Variants in DMD observed in about 807,000 individuals in gnomAD.
The protein encoded by DMD is mutant dystrophin.
In DMD, 63 loss-of-function variants were observed where a neutral mutation model predicts 330.1. The ratio of observed to expected loss-of-function variants is 0.19; its 90% confidence interval spans 0.16 to 0.24. DMD has a LOEUF of 0.24. Ranked by LOEUF, DMD falls within the 10% of genes least tolerant of loss-of-function variation. The pLI, the probability that DMD is intolerant of heterozygous loss-of-function variation, is 1.00. For missense variants in DMD, 3,344 were observed against 2,684.1 expected (o/e 1.25, Z -5.43); for synonymous variants, 1,223 against 959.8 (o/e 1.27, Z -5.07).
chrX:33,076,028 TA>T (rs2094835277), intron 1 of DMD, among the ~76,000 whole-genome samples: 1 of 111,612 alleles, frequency 9.0e-6, no homozygotes, highest in Admixed American at 9.6e-5. Flanking sequence ...GTCACCATTG[TA>T]AAGCCTAAGA....
chrX:31,814,502 A>G (rs1416487613), intron 50 of DMD, among the ~76,000 whole-genome samples: 2 of 105,450 alleles, frequency 1.9e-5, no homozygotes, highest in Non-Finnish European at 2.0e-5. Flanking sequence ...AAAAAAAAAA[A>G]AAAAAAAAAA....
chrX:32,818,501 C>T (rs1345371162), intron 5 of DMD, among the ~76,000 whole-genome samples: 1 of 111,830 alleles, frequency 8.9e-6, no homozygotes, highest in African/African-American at 3.3e-5. Flanking sequence ...AAAACTGTCC[C>T]GTCCTCAGGT....
intron 13 of DMD, among the ~76,000 whole-genome samples, chrX:32,585,052 T>G (rs1241147307): frequency 1.8e-5 from 2 of 111,408 alleles, no homozygotes; most frequent in East Asian, 2.8e-4. Flanking sequence ...ACAACATAAA[T>G]GGAACTGGAG....
intron 7 of DMD, among the ~76,000 whole-genome samples, chrX:32,794,875 A>G (rs754663619): frequency 1.8e-5 from 2 of 112,185 alleles, no homozygotes; most frequent in African/African-American, 6.5e-5. Context: ...TATACCAATA[A>G]TGAACTGGCT....
At chrX:32,949,371 TAGATAGATAGATAGATAGATAGAC>T (rs1359448872) in intron 2 of DMD, among the ~76,000 whole-genome samples, 1 of 105,830 alleles carries the variant, frequency 9.4e-6, no homozygotes, top group Non-Finnish European at 1.9e-5. Flanking sequence ...GATAGATAGA[TAGATAGATAGATAGATAGATAGAC>T]AGACAGACAG....
rs746191558 is a variant in DMD at position 31,405,566 on chromosome X, G to A, written c.9084+38915C>T. ...CCATCTATAATTGACAAAAAAAAGC[G>A]AGCATAAGTTGACTCAAATTAATAA... is the stretch of plus-strand genomic sequence containing the variant. On this transcript the variant is annotated intron_variant, in intron 60 of 78. Coordinates refer to ENST00000357033, the MANE Select transcript of DMD (RefSeq NM_004006.3). Among the ~76,000 whole-genome samples the A allele has an allele frequency of 6.3e-5, 7 of 111,038 alleles. No homozygotes were observed. In the South Asian group the frequency reaches 2.3e-3, roughly 36 times the overall value.
chrX:33,136,241 T>A (rs1347399188), intron 1 of DMD, among the ~76,000 whole-genome samples: 2 of 76,364 alleles, frequency 2.6e-5, no homozygotes, highest in African/African-American at 1.1e-4. Flanking sequence ...ATTAAGCCAA[T>A]GCACTTCAGC....
intron 60 of DMD, among the ~76,000 whole-genome samples, chrX:31,387,631 C>T (rs2060505896): frequency 8.9e-6 from 1 of 111,787 alleles, no homozygotes. Context: ...AACTCCTGAC[C>T]TCAGGTGATC....
At chrX:33,253,208 C>T (rs2052800425) in intron 1 of DMD, among the ~76,000 whole-genome samples, 1 of 104,576 alleles carries the variant, frequency 9.6e-6, no homozygotes, top group Non-Finnish European at 1.9e-5. Flanking sequence ...GATCCACCTC[C>T]TATTGAGAAA....
intron 59 of DMD, among the ~76,000 whole-genome samples, chrX:31,450,135 G>A (rs754034561): frequency 8.7e-4 from 97 of 111,233 alleles, no homozygotes; most frequent in Non-Finnish European, 1.2e-3. Flanking sequence ...GGAGGTGCTA[G>A]GAAAGAAAAG....
chrX:32,749,860 A>AG (rs1569507850), intron 7 of DMD, among the ~76,000 whole-genome samples: 1 of 112,050 alleles, frequency 8.9e-6, no homozygotes, highest in African/African-American at 3.3e-5. Flanking sequence ...TATGTGGCTA[A>AG]CACCACACAT....
At chrX:32,790,660 C>T (rs767134063) in intron 7 of DMD, among the ~76,000 whole-genome samples, 13 of 111,748 alleles carry the variant, frequency 1.2e-4, no homozygotes, top group Non-Finnish European at 2.1e-4. Context: ...GCAGCAAACC[C>T]TCCCCTGCCC....
chrX:32,886,065 G>C (rs914932175), intron 2 of DMD, among the ~76,000 whole-genome samples: 13 of 111,165 alleles, frequency 1.2e-4, no homozygotes, highest in African/African-American at 4.3e-4. Flanking sequence ...GTAGATAAAA[G>C]TGTATCATAT....
intron 9 of DMD, among the ~76,000 whole-genome samples, chrX:32,670,330 T>C (rs1436415764): frequency 8.9e-6 from 1 of 111,911 alleles, no homozygotes; most frequent in Admixed American, 9.6e-5. Context: ...CATATGACAC[T>C]ATTATGTATA....
Position 32,342,291 on chromosome X carries a change from C to T in DMD, c.5740-9G>A, listed in dbSNP as rs2097747738. ...AATTCCCGATCAATTTCCTATTGAG[C>T]AAAACCAATACAGGGCCCAGGGCAG... On this transcript the variant is annotated splice_polypyrimidine_tract_variant and intron_variant, in intron 40 of 78. Coordinates refer to ENST00000357033, the MANE Select transcript of DMD (RefSeq NM_004006.3). 9 of 1,208,797 alleles carry T rather than the reference C, an allele frequency of 7.4e-6. No homozygotes were observed. The highest frequency in any genetic ancestry group is 8.9e-6 in the Non-Finnish European group (8 of 894,849).
At chrX:32,165,114 G>A (rs1027159994) in intron 44 of DMD, among the ~76,000 whole-genome samples, 3 of 112,321 alleles carry the variant, frequency 2.7e-5, no homozygotes, top group African/African-American at 9.7e-5. Context: ...TGGGGTTGGA[G>A]CCCCAACACA....
intron 55 of DMD, among the ~76,000 whole-genome samples, chrX:31,569,638 ATATG>A (rs2147927352): frequency 1.0e-5 from 1 of 98,492 alleles, no homozygotes; most frequent in East Asian, 3.1e-4. Context: ...ATACGTATAT[ATATG>A]TATATACGTA....
At chrX:31,485,208 T>C (rs1180464890) in intron 57 of DMD, among the ~76,000 whole-genome samples, 1 of 112,327 alleles carries the variant, frequency 8.9e-6, no homozygotes, top group Non-Finnish European at 1.9e-5. Flanking sequence ...TATTTATTTA[T>C]TTTTGAGACG....
At chrX:32,694,956 T>C (rs1179928741) in intron 9 of DMD, among the ~76,000 whole-genome samples, 1 of 111,985 alleles carries the variant, frequency 8.9e-6, no homozygotes, top group Non-Finnish European at 1.9e-5. Context: ...CGCCCGGCCT[T>C]ACCATTTATT....
Sources: gnomAD v4.1 joint callset for allele counts (sites outside exome capture counted in the v4.1 genomes callset) on GRCh38, gnomAD v4.1.1 for gene constraint, MANE v1.5 for transcripts, NCBI Gene and HGNC (gene_info 2026-07-23, HGNC 2026-07-21) for gene names.